The following PRKAR1B variants were observed in gnomAD, a reference collection of about 807,000 sequenced individuals.
The protein encoded by PRKAR1B is protein kinase cAMP-dependent type I regulatory subunit beta, also known as cAMP-dependent protein kinase type I-beta regulatory subunit.
Under a neutral mutation model 46.5 loss-of-function variants are expected in PRKAR1B, and 22 were observed. The observed-to-expected ratio is 0.47, with a 90% confidence interval of 0.34 to 0.68. The LOEUF is 0.68. Among genes scored for constraint, PRKAR1B ranks in the 30% least tolerant of loss-of-function variants. The pLI, the probability that PRKAR1B is intolerant of heterozygous loss-of-function variation, is 0.01. For synonymous variants in PRKAR1B, 259 were observed against 217.7 expected (o/e 1.19, Z -1.67); for missense variants, 445 against 535.6 (o/e 0.83, Z 1.67).
chr7:643,100 G>C (rs538879808), intron 4 of PRKAR1B, among the ~76,000 whole-genome samples: 1 of 151,708 alleles, frequency 6.6e-6, no homozygotes, highest in South Asian at 2.1e-4. Flanking sequence ...TGGTATGAAT[G>C]CTATAATTAC....
At chr7:584,712 C>T (rs761702310) in intron 7 of PRKAR1B, 144 bp from the exon 8 acceptor site, 184 of 700,212 alleles carry the variant, frequency 2.6e-4, no homozygotes, top group African/African-American at 6.5e-4. Context: ...CTCGACGACT[C>T]GGAGTCTGCG....
intron 4 of PRKAR1B, among the ~76,000 whole-genome samples, chr7:652,967 C>T (rs1784990963): frequency 1.3e-5 from 2 of 152,202 alleles, no homozygotes; most frequent in Non-Finnish European, 2.9e-5. Flanking sequence ...TGGCCACCGG[C>T]CTGGCACTCA....
chr7:601,337 T>G (rs1258395116), intron 6 of PRKAR1B, among the ~76,000 whole-genome samples: 1 of 152,164 alleles, frequency 6.6e-6, no homozygotes, highest in African/African-American at 2.4e-5. Context: ...GCAAACAACA[T>G]GCAGCACCCA....
In PRKAR1B at chr7:606,144, G is replaced by A. The variant is rs140720549; in HGVS notation, c.549+49C>T. On this transcript the variant is annotated intron_variant, in intron 6 of 10. Coordinates refer to ENST00000537384, the MANE Select transcript of PRKAR1B (RefSeq NM_001164760.2). ...TGCCTGGAGGGCAAGTCTTCACACC[G>A]GACATGCAAAGACGCGCTATTTTCC... is the stretch of plus-strand genomic sequence containing the variant. 2.8e-4 allele frequency: 451 copies of A among 1,586,496 alleles called. 1 individual carries two copies. The African/African-American group carries it at 3.9e-3, about 14-fold the overall frequency.
intron 4 of PRKAR1B, among the ~76,000 whole-genome samples, chr7:661,300 T>C (rs1217987060): frequency 5.8e-5 from 1 of 17,182 alleles, no homozygotes; most frequent in Non-Finnish European, 1.0e-4. Context: ...AAATACCTAC[T>C]CTCCCCCCCA....
intron 7 of PRKAR1B, among the ~76,000 whole-genome samples, chr7:592,320 C>T (rs1367649174): frequency 2.0e-5 from 3 of 152,246 alleles, no homozygotes; most frequent in Admixed American, 6.5e-5. Context: ...GCAGCGTCCT[C>T]GAGGCTACAA....
At chr7:582,748 G>A (rs1780263660) in intron 8 of PRKAR1B, among the ~76,000 whole-genome samples, 1 of 152,210 alleles carries the variant, frequency 6.6e-6, no homozygotes, top group Admixed American at 6.5e-5. Flanking sequence ...TGTGGGCACA[G>A]GGCTGACTAT....
At chr7:698,505 C>T (rs911991661) in intron 2 of PRKAR1B, among the ~76,000 whole-genome samples, 8 of 151,820 alleles carry the variant, frequency 5.3e-5, no homozygotes, top group South Asian at 4.2e-4. Context: ...TAGGTAAGTA[C>T]GTGCGTGAGC....
In PRKAR1B at chr7:551,474, TG is replaced by T. The variant is rs1784189460; in HGVS notation, c.892-5del. The T allele has an allele frequency of 1.3e-6, 2 of 1,552,466 alleles. No individual in the cohort carries two copies. Among genetic ancestry groups the T allele is most frequent in the Admixed American group, 2.0e-5 (1 of 51,066 alleles). The stretch of plus-strand genomic sequence containing the variant: ...GCTGCAGCACGGACGCGGTGCCCTG[TG>T]GGTGGAGGTGGACAGACGTGAGTGC... On this transcript the variant is annotated splice_region_variant and splice_polypyrimidine_tract_variant and intron_variant, in intron 9 of 10. Transcript: ENST00000537384.
Position 723,105 on chromosome 7 carries a change from G to A in PRKAR1B, c.-23+4105C>T, listed in dbSNP as rs948111074. ...TGCTGTGTCAGGACAGAACATGCTC[G>A]TTCTGGGTCTCTTTGTGCTAAGAGA... On this transcript the variant is annotated intron_variant, in intron 1 of 10. Coordinates refer to ENST00000537384, the MANE Select transcript of PRKAR1B (RefSeq NM_001164760.2). Among the ~76,000 whole-genome samples, 6 of 152,140 alleles carry A rather than the reference G, an allele frequency of 3.9e-5. No individual in the cohort carries two copies. In the South Asian group the frequency reaches 6.2e-4, roughly 16 times the overall value.
intron 4 of PRKAR1B, among the ~76,000 whole-genome samples, chr7:638,805 G>T (rs369429816): frequency 2.0e-5 from 3 of 152,142 alleles, no homozygotes; most frequent in Non-Finnish European, 4.4e-5. Context: ...GGCCGGGCGC[G>T]GGGGCTCACG....
At chr7:586,116 G>A (rs552306043) in intron 7 of PRKAR1B, among the ~76,000 whole-genome samples, 14 of 152,196 alleles carry the variant, frequency 9.2e-5, no homozygotes, top group Admixed American at 8.5e-4. Context: ...AGGAGCATCA[G>A]TAAGAGAAAG....
At chr7:556,211 T>G (rs1583194836) in intron 9 of PRKAR1B, among the ~76,000 whole-genome samples, 1 of 151,868 alleles carries the variant, frequency 6.6e-6, no homozygotes, top group African/African-American at 2.4e-5. Flanking sequence ...CATTCGTGCT[T>G]CCCACCAAGA....
At chr7:596,660 C>T (rs998679549) in intron 6 of PRKAR1B, among the ~76,000 whole-genome samples, 3 of 152,248 alleles carry the variant, frequency 2.0e-5, no homozygotes, top group African/African-American at 4.8e-5. Context: ...TGATTCAATC[C>T]GTCAACTTCT....
chr7:654,271 C>T (rs1227852285), intron 4 of PRKAR1B, among the ~76,000 whole-genome samples: 1 of 150,904 alleles, frequency 6.6e-6, no homozygotes, highest in Non-Finnish European at 1.5e-5. Flanking sequence ...TCCTCATCAC[C>T]ATCTTCACCA....
At chr7:657,006 TGGAC>T (rs1785239893) in intron 4 of PRKAR1B, among the ~76,000 whole-genome samples, 3 of 151,106 alleles carry the variant, frequency 2.0e-5, no homozygotes, top group Admixed American at 6.6e-5. Context: ...GATGGATGGA[TGGAC>T]GGATGGATGG....
intron 5 of PRKAR1B, among the ~76,000 whole-genome samples, chr7:606,764 A>ATGTGTG (rs1468591920): frequency 9.6e-6 from 1 of 104,012 alleles, no homozygotes; most frequent in African/African-American, 3.7e-5. Flanking sequence ...TGAGAATTTT[A>ATGTGTG]TGCGTGTGTG....
chr7:580,744 C>CAAAAAAAAAA (rs754143077), intron 8 of PRKAR1B, among the ~76,000 whole-genome samples: 3 of 117,348 alleles, frequency 2.6e-5, no homozygotes, highest in African/African-American at 3.0e-5. Context: ...TCTTTTTTGA[C>CAAAAAAAAAA]AAAAAAAAAA....
chr7:572,463 G>A (rs1051077667), intron 9 of PRKAR1B, among the ~76,000 whole-genome samples: 1 of 152,108 alleles, frequency 6.6e-6, no homozygotes, highest in Non-Finnish European at 1.5e-5. Context: ...CCTGCAGCCT[G>A]GCCCTGCCTT....
Sources: gnomAD v4.1 joint callset for allele counts (sites outside exome capture counted in the v4.1 genomes callset) on GRCh38, gnomAD v4.1.1 for gene constraint, MANE v1.5 for transcripts, NCBI Gene and HGNC (gene_info 2026-07-23, HGNC 2026-07-21) for gene names.